AP5B1: variants seen among roughly 807,000 people sequenced by gnomAD.
AP5B1 encodes the protein AP-5 complex subunit beta-1.
A neutral mutation model predicts 5.7 loss-of-function variants in AP5B1; 3 were observed. That is an observed-to-expected ratio of 0.53 (90% CI 0.24 to 1.36). The LOEUF is 1.36. Among genes scored for constraint, AP5B1 ranks in the 40% most tolerant of loss-of-function variants. The pLI is 0.17. For synonymous variants in AP5B1, 696 were observed against 555.5 expected (o/e 1.25, Z -3.56); for missense variants, 1,310 against 1,143.2 (o/e 1.15, Z -2.10).
Position 65,779,032 on chromosome 11 carries a change from G to A in AP5B1, c.1461C>T (p.Ile487=), listed in dbSNP as rs1242123819. Residue 487 remains isoleucine, a synonymous_variant, in exon 2 of 2, where the codon ATC becomes ATT. Coordinates refer to ENST00000532090, the MANE Select transcript of AP5B1 (RefSeq NM_138368.5). ...CTTGGTACAGCTGGGCCAGTCCGTG[G>A]ATCAAGGGGGTCAGCACCGTAGGTT... ...AGQPTVLTPL[I]HGLAQLYQAR... 2 of 1,607,318 alleles carry A rather than the reference G, an allele frequency of 1.2e-6. No individual in the cohort carries two copies. The highest frequency in any genetic ancestry group is 2.2e-5 in the East Asian group (1 of 44,824).
At position 65,776,685 on chromosome 11, in the gene AP5B1, G is replaced by C. The variant is rs770812979; in HGVS notation, c.*1171C>G. 3.9e-5 allele frequency: 6 copies of C among 152,216 alleles called. No homozygotes were observed. The highest frequency in any genetic ancestry group is 5.9e-5 in the Non-Finnish European group (4 of 68,046). The allele number at this position is 152,216 out of a possible 1,614,324, so 9.4% of individuals were successfully genotyped here. ...TGGTCTCAGACCCTAGACCTTATTA[G>C]CAGGCCCTTCCTAGAGCTGGCTCTA... On this transcript the variant is annotated 3_prime_UTR_variant, in exon 2 of 2. Transcript: ENST00000532090.
intron 1 of AP5B1, 24 bp downstream of exon 1, chr11:65,780,418 C>A: frequency 1.3e-6 from 2 of 1,481,878 alleles, no homozygotes; most frequent in Non-Finnish European, 1.8e-6. Context: ...TGCGGAACGG[C>A]GCAGGGGACG....
rs1857831141 is a variant in AP5B1 at position 65,780,171 on chromosome 11, C to A, written c.322G>T (p.Gly108Cys). 1.4e-6 allele frequency: 2 copies of A among 1,478,642 alleles called. No individual in the cohort carries two copies. The highest frequency in any genetic ancestry group is 2.6e-5 in the Admixed American group (1 of 38,720). 91.6% of individuals were successfully genotyped at this position (1,478,642 alleles called of 1,614,324 possible). A position where few individuals can be genotyped will look rare whatever the true frequency, so the allele number is the denominator to read the frequency against. Residue 108 changes from glycine to cysteine, a missense_variant, in exon 2 of 2, where the codon GGC becomes TGC. Physicochemically the swap from Gly to Cys is radical, Grantham distance 159. Transcript: ENST00000532090. ...GCGCCCGAGGTGGGGCCCAGCGCGC[C>A]GCCCGCCGCCAGGGCAGTGGTGGCC... ...LAATTALAAG[G>C]ALGPTSGASC...
Position 65,774,187 on chromosome 11 carries a change from C to T in AP5B1, c.*3669G>A, listed in dbSNP as rs940299093. 1.3e-5 allele frequency among the ~76,000 whole-genome samples: 2 copies of T among 152,210 alleles called. No homozygotes were observed. The highest frequency in any genetic ancestry group is 4.8e-5 in the African/African-American group (2 of 41,456). ...GTTTTTTCTGAGATTCCCTCGGCCA[C>T]GAGGTGGCATCTGTTCAGTCGGTGG... On this transcript the variant is annotated 3_prime_UTR_variant, in exon 2 of 2. Coordinates refer to ENST00000532090, the MANE Select transcript of AP5B1 (RefSeq NM_138368.5).
rs1857783065 is a variant in AP5B1, at chr11:65,777,782, G to A, written c.*74C>T. 18 of 1,421,730 alleles carry A rather than the reference G, an allele frequency of 1.3e-5. No homozygotes were observed. Among genetic ancestry groups the A allele is most frequent in the Non-Finnish European group, 1.7e-5 (18 of 1,080,848 alleles). The allele number at this position is 1,421,730 out of a possible 1,614,324, so 88.1% of individuals were successfully genotyped here. On this transcript the variant is annotated 3_prime_UTR_variant, in exon 2 of 2. Transcript: ENST00000532090. ...AGGGCACTGCGGAATGCAGGGTTTT[G>A]GCGACAGAGCTACAGGAGTGTGCCT...
chr11:65,778,497 G>T lies in AP5B1; in HGVS notation c.1996C>A (p.Leu666Met), dbSNP rs759823179. 6.4e-7 allele frequency: 1 copy of T among 1,573,210 alleles called. No individual in the cohort carries two copies. ...MVQEAPALVR[L>M]SLGSHRVKGP... is the part of the protein sequence containing the mutation. Reference sequence around the variant, plus strand: ...TTGACCCGATGGGACCCCAGGCTCAGCCGTACCAGGGCCGGTGCCTCCTGC... The same window carrying T: ...TTGACCCGATGGGACCCCAGGCTCATCCGTACCAGGGCCGGTGCCTCCTGC... Residue 666 changes from leucine (L) to methionine (M), a missense_variant, in exon 2 of 2, where the codon CTG (leucine) becomes ATG (methionine). Physicochemically the swap from Leu to Met is conservative, Grantham distance 15 (BLOSUM62 2). Coordinates refer to ENST00000532090, the MANE Select transcript of AP5B1 (RefSeq NM_138368.5).
rs754050998 is a variant in AP5B1 at position 65,780,618 on chromosome 11, G to A, written c.-27C>T. ...GTGAGGCGCGCGGGCCCCTGCGCAGGGAAGAGGGACCCTCAGGCCGCAGCC... is the reference window on the plus strand; with the variant it reads ...GTGAGGCGCGCGGGCCCCTGCGCAGAGAAGAGGGACCCTCAGGCCGCAGCC... On this transcript the variant is annotated 5_prime_UTR_variant, in exon 1 of 2. Coordinates refer to ENST00000532090, the MANE Select transcript of AP5B1 (RefSeq NM_138368.5). 5.4e-5 allele frequency: 74 copies of A among 1,370,946 alleles called. No homozygotes were observed. The highest frequency in any genetic ancestry group is 3.7e-4 in the South Asian group (23 of 62,172). The allele number at this position is 1,370,946 out of a possible 1,614,324, so 84.9% of individuals were successfully genotyped here.
rs1357339768 is a variant in AP5B1 at position 65,775,390 on chromosome 11, A to T, written c.*2466T>A. ...GAAAACGTTTCTGGATTCCCTTGCC[A>T]CTGGAGTTCCGTGGAAGAGAGAAAT... On this transcript the variant is annotated 3_prime_UTR_variant, in exon 2 of 2. Coordinates refer to ENST00000532090, the MANE Select transcript of AP5B1 (RefSeq NM_138368.5). 6.6e-6 allele frequency among the ~76,000 whole-genome samples: 1 copy of T among 152,218 alleles called. No homozygotes were observed. Among genetic ancestry groups the T allele is most frequent in the Non-Finnish European group, 1.5e-5 (1 of 68,040 alleles).
rs893629363 is a variant in AP5B1, at chr11:65,773,966, T to G, written c.*3890A>C. On this transcript the variant is annotated 3_prime_UTR_variant, in exon 2 of 2. Transcript: ENST00000532090. ...GCGGGGCATGAAGGTGGGCTCTACA[T>G]GACTTAACCCTTGCTTGGCATGGCC... 6.6e-6 allele frequency among the ~76,000 whole-genome samples: 1 copy of G among 152,204 alleles called. No homozygotes were observed. Among genetic ancestry groups the G allele is most frequent in the African/African-American group, 2.4e-5 (1 of 41,448 alleles).
Position 65,780,045 on chromosome 11 carries a change from C to A in AP5B1, c.448G>T (p.Ala150Ser). Residue 150 changes from alanine to serine, a missense_variant, in exon 2 of 2, where the codon GCC becomes TCC. Coordinates refer to ENST00000532090, the MANE Select transcript of AP5B1 (RefSeq NM_138368.5). The stretch of plus-strand genomic sequence containing the variant: ...TCTAGCTCTCGCAGGCACTCGCAGG[C>A]CGTGGCCTGCAAGGGGCGCTGTTCC... Reference protein sequence around the residue: ...ASEQRPLQATACECLRELESC... With the variant: ...ASEQRPLQATSCECLRELESC... 6.4e-7 allele frequency: 1 copy of A among 1,552,756 alleles called. No homozygotes were observed.
rs370013254 is a variant in AP5B1 at position 65,777,955 on chromosome 11, C to T, written c.2538G>A (p.Ala846=). ...PDSKLLLRLE[A]ALADGVPVAL... ...CCACAGGCACTCCATCTGCCAGGGC[C>T]GCCTCCAGCCGCAGCAGCAGCTTTG... The change falls in exon 2 of 2, where the codon GCG becomes GCA. Residue 846 remains alanine (A), a synonymous_variant. Coordinates refer to ENST00000532090, the MANE Select transcript of AP5B1 (RefSeq NM_138368.5). 78 of 1,585,800 alleles carry T rather than the reference C, an allele frequency of 4.9e-5. No individual in the cohort carries two copies. The highest frequency in any genetic ancestry group is 9.3e-5 in the East Asian group (4 of 43,032).
Position 65,780,697 on chromosome 11 carries a change from CGCCGCGCAGAT to C in AP5B1, c.-117_-107del, listed in dbSNP as rs1224744647. The C allele has an allele frequency of 4.3e-5, 51 of 1,191,778 alleles. No homozygotes were observed. The Middle Eastern group carries it at 9.5e-4, about 22-fold the overall frequency. The allele number at this position is 1,191,778 out of a possible 1,614,324, so 73.8% of individuals were successfully genotyped here. ...CCGAGGGGCTGCGGTCACCCCCAGA[CGCCGCGCAGAT>C]GCCGGCGGGACCCGCGCCCGGCTCC... On this transcript the variant is annotated 5_prime_UTR_variant, in exon 1 of 2. Transcript: ENST00000532090.
rs1857744954 is a variant in AP5B1, at chr11:65,774,674, G to A, written c.*3182C>T. Among the ~76,000 whole-genome samples, 6 of 152,272 alleles carry A rather than the reference G, an allele frequency of 3.9e-5. No homozygotes were observed. In the South Asian group the frequency reaches 1.2e-3, roughly 32 times the overall value. On this transcript the variant is annotated 3_prime_UTR_variant, in exon 2 of 2. Transcript: ENST00000532090. Reference sequence around the variant, plus strand: ...TCAACCCACCTCGGCCTCCCAAAATGCTGGGATTACAGGTGTGAGCCACCG... The same window carrying A: ...TCAACCCACCTCGGCCTCCCAAAATACTGGGATTACAGGTGTGAGCCACCG...
rs1857803473 is a variant in AP5B1, at chr11:65,778,898, C to T, written c.1595G>A (p.Gly532Asp). 1 of 1,611,268 alleles carries T rather than the reference C, an allele frequency of 6.2e-7. No homozygotes were observed. The highest frequency in any genetic ancestry group is 8.5e-7 in the Non-Finnish European group (1 of 1,178,988). ...VLRQVVVSRP[G>D]RDEALCWHLQ... ...GTGCCAGCAAAGAGCTTCATCCCTG[C>T]CCGGCCTGGACACCACCACCTGCCG... Residue 532 changes from glycine to aspartate, a missense_variant, in exon 2 of 2, where the codon GGC becomes GAC. By Grantham distance (94) the Gly-to-Asp change is moderately conservative. Coordinates refer to ENST00000532090, the MANE Select transcript of AP5B1 (RefSeq NM_138368.5).
chr11:65,779,278 G>C lies in AP5B1; in HGVS notation c.1215C>G (p.Leu405=), dbSNP rs1565225516. 4 of 1,598,226 alleles carry C rather than the reference G, an allele frequency of 2.5e-6. No homozygotes were observed. Among genetic ancestry groups the C allele is most frequent in the Non-Finnish European group, 3.4e-6 (4 of 1,171,472 alleles). The change falls in exon 2 of 2, where the codon CTC becomes CTG. Residue 405 remains leucine (L), a synonymous_variant. Coordinates refer to ENST00000532090, the MANE Select transcript of AP5B1 (RefSeq NM_138368.5). ...PQLCRGLLPS[L]LHDPMALLAR... ...CCAGGAGGGCCATTGGGTCATGCAG[G>C]AGACTGGGCAGGAGACCACGGCATA...
Position 65,774,698 on chromosome 11 carries a change from C to A in AP5B1, c.*3158G>T, listed in dbSNP as rs932411971. On this transcript the variant is annotated 3_prime_UTR_variant, in exon 2 of 2. Coordinates refer to ENST00000532090, the MANE Select transcript of AP5B1 (RefSeq NM_138368.5). ...TGCTGGGATTACAGGTGTGAGCCAC[C>A]GCCCCCGGCCCTTGACTCCCTTCAC... Among the ~76,000 whole-genome samples the A allele has an allele frequency of 1.3e-5, 2 of 152,182 alleles. No individual in the cohort carries two copies. Among genetic ancestry groups the A allele is most frequent in the Non-Finnish European group, 2.9e-5 (2 of 68,036 alleles).
rs1857821914 is a variant in AP5B1 at position 65,779,753 on chromosome 11, T to G, written c.740A>C (p.Glu247Ala). The stretch of plus-strand genomic sequence containing the variant: ...TGTAAGGCTACGCTCCCCCTCTCCC[T>G]CCTCAGCTGCCGGCCAGCTGGGTGC... ...PQAPSWPAAE[E>A]GEGERSLTAR... The change falls in exon 2 of 2, where the codon GAG (glutamate) becomes GCG (alanine). Residue 247 changes from glutamate (E) to alanine (A), a missense_variant. Transcript: ENST00000532090. 7 of 1,591,180 alleles carry G rather than the reference T, an allele frequency of 4.4e-6. No homozygotes were observed. The highest frequency in any genetic ancestry group is 6.0e-6 in the Non-Finnish European group (7 of 1,168,340).
Position 65,779,754 on chromosome 11 carries a change from C to A in AP5B1, c.739G>T (p.Glu247Ter), listed in dbSNP as rs201155317. The A allele has an allele frequency of 1.2e-5, 19 of 1,591,014 alleles. No homozygotes were observed. In the African/African-American group the frequency reaches 2.4e-4, roughly 20 times the overall value. Residue 247 changes from glutamate (E) to a stop codon, truncating the protein, a stop_gained, in exon 2 of 2, where the codon GAG becomes TAG. Coordinates refer to ENST00000532090, the MANE Select transcript of AP5B1 (RefSeq NM_138368.5). LOFTEE classifies it low-confidence loss of function (END_TRUNC). ...PQAPSWPAAE[E>*]GEGERSLTAR... ...GTAAGGCTACGCTCCCCCTCTCCCT[C>A]CTCAGCTGCCGGCCAGCTGGGTGCC...
Position 65,779,483 on chromosome 11 carries a change from G to A in AP5B1, c.1010C>T (p.Ala337Val), listed in dbSNP as rs762712777. 1.1e-5 allele frequency: 17 copies of A among 1,603,050 alleles called. No homozygotes were observed. The highest frequency in any genetic ancestry group is 1.4e-5 in the Non-Finnish European group (17 of 1,175,570). ...MLALKAAFGE[A>V]LFTAQDEALL... Reference sequence around the variant, plus strand: ...CGCTTCATCCTGGGCTGTGAACAAGGCCTCACCAAAGGCCGCCTTGAGCGC... The same window carrying A: ...CGCTTCATCCTGGGCTGTGAACAAGACCTCACCAAAGGCCGCCTTGAGCGC... Residue 337 changes from alanine to valine, a missense_variant, in exon 2 of 2, where the codon GCC (alanine) becomes GTC (valine). Physicochemically the swap from Ala to Val is moderately conservative, Grantham distance 64 (BLOSUM62 0). Transcript: ENST00000532090.
Sources: allele counts gnomAD v4.1 joint callset (sites outside exome capture counted in the v4.1 genomes callset), GRCh38; gene constraint gnomAD v4.1.1; transcripts MANE v1.5; gene names NCBI Gene and HGNC (gene_info 2026-07-23, HGNC 2026-07-21).